The following DGKG variants were observed in gnomAD, a reference collection of about 807,000 sequenced individuals.
DGKG encodes diacylglycerol kinase gamma.
In DGKG, 78 loss-of-function variants were observed where a neutral mutation model predicts 105.3. The ratio of observed to expected loss-of-function variants is 0.74; its 90% CI spans 0.62 to 0.89. The LOEUF (loss-of-function observed/expected upper bound fraction) is 0.89. Among genes scored for constraint, DGKG ranks in the 40% least tolerant of loss-of-function variants. DGKG has a pLI of 0.00. For synonymous variants in DGKG, 346 were observed against 367.1 expected, an observed-to-expected ratio of 0.94 and a Z score of 0.66; for missense variants, 958 against 1,020.1, an observed-to-expected ratio of 0.94 and a Z score of 0.83.
At chr3:186,320,735 A>T in intron 1 of DGKG, 28 bp from the exon 2 acceptor site, 3 of 364,512 alleles carry the variant, frequency 8.2e-6, no homozygotes, top group South Asian at 9.4e-5. Flanking sequence ...AGACATTGTA[A>T]ATGAGAATGT....
At chr3:186,267,008 G>A (rs906356827) in intron 13 of DGKG, among the ~76,000 whole-genome samples, 1 of 152,230 alleles carries the variant, frequency 6.6e-6, no homozygotes, top group African/African-American at 2.4e-5. Flanking sequence ...AAAATTAAGT[G>A]TTTGACGCTT....
intron 5 of DGKG, among the ~76,000 whole-genome samples, chr3:186,297,068 T>TCACACACACACA (rs55826465): frequency 0.041 from 5,395 of 130,344 alleles, 159 homozygotes; most frequent in Non-Finnish European, 0.061. Flanking sequence ...TCTGTCTCTC[T>TCACACACACACA]CACACACACA....
chr3:186,292,207 C>T (rs547134917), intron 5 of DGKG, among the ~76,000 whole-genome samples: 1 of 152,300 alleles, frequency 6.6e-6, no homozygotes, highest in East Asian at 1.9e-4. Context: ...CACTTTCTCC[C>T]TTGGTATCTG....
intron 14 of DGKG, among the ~76,000 whole-genome samples, chr3:186,263,383 A>G (rs1240018744): frequency 9.9e-5 from 15 of 151,960 alleles, no homozygotes. Context: ...CCTGGCCAAT[A>G]TGGTGAAACC....
At position 186,152,909 on chromosome 3, in the gene DGKG, G is replaced by A. The variant is rs185052448; in HGVS notation, c.2278-2721C>T. 4.4e-4 allele frequency among the ~76,000 whole-genome samples: 66 copies of A among 150,792 alleles called. 1 individual carries two copies. Among genetic ancestry groups the A allele is most frequent in the African/African-American group, 1.5e-3 (62 of 41,090 alleles). ...GATCTCCTGACCTCATGATCCGCCC[G>A]TGTCGGCCTCCCAAAGTGCTGGGAT... is the stretch of plus-strand genomic sequence containing the variant. On this transcript the variant is annotated intron_variant, in intron 24 of 24. Coordinates refer to ENST00000265022, the MANE Select transcript of DGKG (RefSeq NM_001346.3).
chr3:186,195,932 T>G (rs1182799056), intron 21 of DGKG, among the ~76,000 whole-genome samples: 1 of 152,162 alleles, frequency 6.6e-6, no homozygotes, highest in African/African-American at 2.4e-5. Flanking sequence ...TTTTTGTGAT[T>G]TTTAGACTGA....
At chr3:186,234,767 C>T (rs184580415) in intron 20 of DGKG, among the ~76,000 whole-genome samples, 8 of 152,250 alleles carry the variant, frequency 5.3e-5, no homozygotes, top group South Asian at 2.1e-4. Flanking sequence ...TCTGTTCCCA[C>T]GCGGACTAGG....
intron 22 of DGKG, among the ~76,000 whole-genome samples, chr3:186,178,070 G>A (rs1483308149): frequency 6.6e-6 from 1 of 152,144 alleles, no homozygotes; most frequent in African/African-American, 2.4e-5. Context: ...ACAGCAAGAA[G>A]CATCCATCCG....
chr3:186,170,152 C>T (rs1473579190), intron 22 of DGKG, among the ~76,000 whole-genome samples: 2 of 152,262 alleles, frequency 1.3e-5, no homozygotes, highest in Admixed American at 1.3e-4. Context: ...ACCTGGGGAG[C>T]TTTTAAAAAC....
At chr3:186,326,173 C>A (rs1308386601) in intron 1 of DGKG, among the ~76,000 whole-genome samples, 1 of 152,174 alleles carries the variant, frequency 6.6e-6, no homozygotes, top group East Asian at 1.9e-4. Flanking sequence ...GGAAGGATCA[C>A]TTGAGCCCAG....
At chr3:186,322,589 GA>G (rs1259329445) in intron 1 of DGKG, among the ~76,000 whole-genome samples, 1 of 151,972 alleles carries the variant, frequency 6.6e-6, no homozygotes, top group African/African-American at 2.4e-5. Context: ...AAAAGTTAAA[GA>G]AAAAATGGGC....
chr3:186,275,992 CTATT>C (rs756653692), intron 9 of DGKG, among the ~76,000 whole-genome samples: 5 of 142,164 alleles, frequency 3.5e-5, no homozygotes, highest in African/African-American at 1.0e-4. Flanking sequence ...ATCTATCTAT[CTATT>C]ATCTATCATC....
At chr3:186,206,381 A>G (rs1261570710) in intron 21 of DGKG, among the ~76,000 whole-genome samples, 1 of 151,552 alleles carries the variant, frequency 6.6e-6, no homozygotes, top group Non-Finnish European at 1.5e-5. Context: ...AGACTCTGTC[A>G]AAAAAACAAA....
intron 2 of DGKG, among the ~76,000 whole-genome samples, chr3:186,307,816 G>A (rs184437619): frequency 6.6e-6 from 1 of 151,120 alleles, no homozygotes; most frequent in African/African-American, 2.4e-5. Flanking sequence ...CCTTGGTGCT[G>A]AAACACTGTT....
At chr3:186,256,172 A>G (rs771045111) in intron 17 of DGKG, among the ~76,000 whole-genome samples, 12 of 152,020 alleles carry the variant, frequency 7.9e-5, no homozygotes, top group Non-Finnish European at 1.2e-4. Context: ...CCAGAGCCCA[A>G]GGTGACAGGA....
At chr3:186,356,253 G>A (rs751709329) in intron 1 of DGKG, among the ~76,000 whole-genome samples, 5 of 152,280 alleles carry the variant, frequency 3.3e-5, no homozygotes, top group Non-Finnish European at 4.4e-5. Context: ...TGAAGAGGTC[G>A]TGCTCATCAG....
intron 1 of DGKG, among the ~76,000 whole-genome samples, chr3:186,354,052 A>G (rs763550651): frequency 8.5e-5 from 13 of 152,242 alleles, no homozygotes; most frequent in Middle Eastern, 3.4e-3. Flanking sequence ...TCTTTATGTC[A>G]GGTTCTGGGG....
rs780236819 is a variant in DGKG, at chr3:186,275,581, G to A, written c.876C>T (p.Leu292=). 1.6e-5 allele frequency: 26 copies of A among 1,614,262 alleles called. No individual in the cohort carries two copies. The South Asian group carries it at 2.4e-4, about 15-fold the overall frequency. ...PTYCNFCHIM[L]MGVRKQGLCC... ...ACAGGCCTTGCTTGCGGACGCCCATGAGCATGATATGGCAGAAGTTGCAGT... is the reference window on the plus strand; with the variant it reads ...ACAGGCCTTGCTTGCGGACGCCCATAAGCATGATATGGCAGAAGTTGCAGT... Residue 292 remains leucine (L), a synonymous_variant, in exon 10 of 25, where the codon CTC becomes CTT. Transcript: ENST00000265022.
At chr3:186,276,690 C>G (rs1228971362) in intron 9 of DGKG, among the ~76,000 whole-genome samples, 1 of 152,206 alleles carries the variant, frequency 6.6e-6, no homozygotes, top group African/African-American at 2.4e-5. Context: ...CATCCCATCC[C>G]AGGGGAACAC....
Sources: allele counts gnomAD v4.1 joint callset (sites outside exome capture counted in the v4.1 genomes callset), GRCh38; gene constraint gnomAD v4.1.1; transcripts MANE v1.5; gene names NCBI Gene and HGNC (gene_info 2026-07-23, HGNC 2026-07-21).